The following CAND2 variants were observed in gnomAD, a reference collection of about 807,000 sequenced individuals.
The protein encoded by CAND2 is cullin-associated NEDD8-dissociated protein 2.
CAND2 carries 62 observed loss-of-function variants against 98.9 expected under a neutral mutation model. That is an observed-to-expected ratio of 0.63 (90% CI 0.51 to 0.77). CAND2 has a LOEUF of 0.77. Among genes scored for constraint, CAND2 ranks in the 30% least tolerant of loss-of-function variants. The pLI, the probability that CAND2 is intolerant of heterozygous loss-of-function variation, is 0.00. For synonymous variants in CAND2, 770 were observed against 731.9 expected (o/e 1.05, Z -0.84); for missense variants, 1,501 against 1,655.2 (o/e 0.91, Z 1.62).
chr3:12,799,268 G>A (rs9810202), intron 1 of CAND2, among the ~76,000 whole-genome samples: 5,021 of 152,186 alleles, frequency 0.033, 295 homozygotes, highest in African/African-American at 0.11. Context: ...ATGAGGTAGG[G>A]CAAAGAAAAG....
At chr3:12,817,917 T>G (rs1458582143) in intron 10 of CAND2, 41 bp downstream of exon 10, 1 of 1,469,622 alleles carries the variant, frequency 6.8e-7, no homozygotes, top group Admixed American at 2.5e-5. Flanking sequence ...ACCTCGGAGG[T>G]GGGCAGTTTG....
chr3:12,798,941 G>A lies in CAND2; in HGVS notation c.68+2153G>A, dbSNP rs145284972. Among the ~76,000 whole-genome samples, 1,003 of 100,974 alleles carry A rather than the reference G, an allele frequency of 9.9e-3. 14 individuals are homozygous for A. Among genetic ancestry groups the A allele is most frequent in the African/African-American group, 0.055 (862 of 15,722 alleles). The allele number at this position is 100,974 out of a possible 152,430, so 66.2% of individuals were successfully genotyped here. A position where few individuals can be genotyped will look rare whatever the true frequency, so the allele number is the denominator to read the frequency against. On this transcript the variant is annotated intron_variant, in intron 1 of 14. Transcript: ENST00000456430. ...AGCGGGGCAGCGACTGCAAATGGGG[G>A]TCCCAGGTGGGGTGGAGGGAGACCT...
rs539921240 is a variant in CAND2 at position 12,817,156 on chromosome 3, C to T, written c.2224C>T (p.Arg742Trp). 3.9e-5 allele frequency: 63 copies of T among 1,612,714 alleles called. No individual in the cohort carries two copies. In the East Asian group the frequency reaches 7.6e-4, roughly 19 times the overall value. The change falls in exon 10 of 15, where the codon CGG becomes TGG. Residue 742 changes from arginine (R) to tryptophan (W), a missense_variant. Around this residue, in one of 3 missense-constraint regions of CAND2, gnomAD observed 1,427 missense variants for 1,545.3 expected, o/e 0.92. Transcript: ENST00000456430. ...TGGCCCTGTGCTCTCAGAGCTGCTG[C>T]GGCTGCTGCGTTCGCCCCTGTTGCC... ...VSGPVLSELLRLLRSPLLPAG... is the reference protein window; with the variant it reads ...VSGPVLSELLWLLRSPLLPAG...
chr3:12,813,324 C>T lies in CAND2; in HGVS notation c.942C>T (p.Tyr314=). Residue 314 remains tyrosine (Y), a synonymous_variant, in exon 7 of 15, where the codon TAC becomes TAT. Transcript: ENST00000456430. ...AATACATAAAACACGACCCCAACTA[C>T]AACTACGACAGTGATGAGGATGAGG... ...CLQYIKHDPN[Y]NYDSDEDEEQ... The T allele has an allele frequency of 6.2e-7, 1 of 1,614,182 alleles. No homozygotes were observed. Among genetic ancestry groups the T allele is most frequent in the Non-Finnish European group, 8.5e-7 (1 of 1,180,036 alleles).
At position 12,817,197 on chromosome 3, in the gene CAND2, A is replaced by C; in HGVS notation, c.2265A>C (p.Ala755=). The part of the protein sequence containing the change: ...RSPLLPAGVL[A]AAEGFLQALV... Reference sequence around the variant, plus strand: ...CCCTGTTGCCAGCCGGGGTTCTGGCAGCTGCTGAAGGCTTCCTGCAGGCCC... The same window carrying C: ...CCCTGTTGCCAGCCGGGGTTCTGGCCGCTGCTGAAGGCTTCCTGCAGGCCC... Residue 755 remains alanine, a synonymous_variant, in exon 10 of 15, where the codon GCA becomes GCC. Transcript: ENST00000456430. 1.9e-6 allele frequency: 3 copies of C among 1,613,470 alleles called. No individual in the cohort carries two copies. The highest frequency in any genetic ancestry group is 2.5e-6 in the Non-Finnish European group (3 of 1,180,010).
At position 12,825,459 on chromosome 3, in the gene CAND2, T is replaced by C. The variant is rs187011234; in HGVS notation, c.3041-11T>C. The C allele has an allele frequency of 2.2e-3, 3,368 of 1,549,528 alleles. 12 individuals carry two copies. The highest frequency in any genetic ancestry group is 6.5e-3 in the South Asian group (550 of 84,044). ...TGTGCATCCCCCACGCCCCTCATGT[T>C]CTTCTGCCAGGAGAGTTCATGGAGA... On this transcript the variant is annotated splice_polypyrimidine_tract_variant and intron_variant, in intron 11 of 14. Coordinates refer to ENST00000456430, the MANE Select transcript of CAND2 (RefSeq NM_001162499.2).
chr3:12,810,391 G>T, intron 5 of CAND2, 67 bp downstream of exon 5: 1 of 1,347,060 alleles, frequency 7.4e-7, no homozygotes, highest in Non-Finnish European at 9.6e-7. Context: ...CCAATGACTC[G>T]GTAAAGGGGC....
chr3:12,829,871 GT>G (rs2062039022), intron 13 of CAND2, among the ~76,000 whole-genome samples: 1 of 152,156 alleles, frequency 6.6e-6, no homozygotes, highest in African/African-American at 2.4e-5. Flanking sequence ...TATCAGTCCT[GT>G]CAACAGCTGC....
At chr3:12,818,519 G>A (rs550134479) in intron 10 of CAND2, among the ~76,000 whole-genome samples, 4 of 152,212 alleles carry the variant, frequency 2.6e-5, no homozygotes, top group Admixed American at 6.5e-5. Flanking sequence ...TTGGCTTGTC[G>A]TGTTTTGGCA....
At position 12,831,573 on chromosome 3, in the gene CAND2, GT is replaced by G. The variant is rs751891622; in HGVS notation, c.3483+2del. On this transcript the variant is annotated splice_donor_variant, in intron 14 of 14. Coordinates refer to ENST00000456430, the MANE Select transcript of CAND2 (RefSeq NM_001162499.2). LOFTEE classifies it high-confidence loss of function. ...ACTAAGGGCCACCTGCACTGCCAAG[GT>G]AAGTCCCTGGCCCAGCCCTAGCCCA... 18 of 1,607,258 alleles carry G rather than the reference GT, an allele frequency of 1.1e-5. No homozygotes were observed. Among genetic ancestry groups the G allele is most frequent in the South Asian group, 1.1e-4 (10 of 90,282 alleles).
At position 12,816,840 on chromosome 3, in the gene CAND2, G is replaced by T. The variant is rs567061787; in HGVS notation, c.1908G>T (p.Leu636=). The change falls in exon 10 of 15, where the codon CTG becomes CTT. Residue 636 remains leucine (L), a synonymous_variant. Coordinates refer to ENST00000456430, the MANE Select transcript of CAND2 (RefSeq NM_001162499.2). ...TRLPAIKALT[L]VAVSPLQLDL... is the part of the protein sequence containing the mutation. ...TGCCCGCCATCAAGGCGCTTACGCTGGTGGCCGTATCCCCACTACAGCTTG... is the reference window on the plus strand; with the variant it reads ...TGCCCGCCATCAAGGCGCTTACGCTTGTGGCCGTATCCCCACTACAGCTTG... 2 of 1,613,798 alleles carry T rather than the reference G, an allele frequency of 1.2e-6. No individual in the cohort carries two copies. Among genetic ancestry groups the T allele is most frequent in the Admixed American group, 3.3e-5 (2 of 60,032 alleles).
chr3:12,801,735 G>A (rs2061768396), intron 1 of CAND2, among the ~76,000 whole-genome samples: 3 of 152,232 alleles, frequency 2.0e-5, no homozygotes, highest in African/African-American at 4.8e-5. Context: ...ATGGCGTGGG[G>A]CAGTGGTTTT....
chr3:12,825,129 T>TTC (rs1420720415), intron 11 of CAND2, among the ~76,000 whole-genome samples: 2 of 151,916 alleles, frequency 1.3e-5, no homozygotes, highest in Non-Finnish European at 2.9e-5. Context: ...TTTTTTTTTT[T>TTC]CAAGATAATG....
intron 11 of CAND2, among the ~76,000 whole-genome samples, chr3:12,823,747 A>C (rs1190833481): frequency 6.7e-6 from 1 of 150,364 alleles, no homozygotes; most frequent in Non-Finnish European, 1.5e-5. Flanking sequence ...AAAACAACAA[A>C]AAAACGGGGT....
chr3:12,802,136 G>A (rs1249180222), intron 1 of CAND2, among the ~76,000 whole-genome samples: 1 of 152,184 alleles, frequency 6.6e-6, no homozygotes, highest in South Asian at 2.1e-4. Context: ...GACCATCCTG[G>A]CTAACACAGT....
chr3:12,819,370 G>A (rs75964456), intron 10 of CAND2, among the ~76,000 whole-genome samples: 12,280 of 152,308 alleles, frequency 0.081, 596 homozygotes, highest in Non-Finnish European at 0.11. Flanking sequence ...TGCTGGGGTT[G>A]GGCAGGGAGC....
At position 12,834,004 on chromosome 3, in the gene CAND2, C is replaced by T. The variant is rs751112714; in HGVS notation, c.*22C>T. On this transcript the variant is annotated 3_prime_UTR_variant, in exon 15 of 15. Coordinates refer to ENST00000456430, the MANE Select transcript of CAND2 (RefSeq NM_001162499.2). ...CTAGTCCCCTCAGCACCAAGGTGGG[C>T]CCTCGCTTAAGAGAAAGGAGCCCAC... 3 of 1,601,226 alleles carry T rather than the reference C, an allele frequency of 1.9e-6. No individual in the cohort carries two copies. The highest frequency in any genetic ancestry group is 3.3e-5 in the Admixed American group (2 of 59,958).
chr3:12,808,059 A>G (rs955472082), intron 3 of CAND2, 151 bp from the exon 4 acceptor site: 2 of 1,026,456 alleles, frequency 1.9e-6, no homozygotes. Context: ...CTTTGGCCAG[A>G]CTCTGGGTCA....
At chr3:12,807,179 C>G (rs534237192) in intron 2 of CAND2, 127 bp from the exon 3 acceptor site, 546 of 798,096 alleles carry the variant, frequency 6.8e-4, no homozygotes, top group Non-Finnish European at 9.7e-4. Context: ...CAAACAGGGG[C>G]TCCCCTGATG....
Sources: allele counts gnomAD v4.1 joint callset (sites outside exome capture counted in the v4.1 genomes callset), GRCh38; gene constraint gnomAD v4.1.1; regional missense constraint gnomAD v4.1.1; transcripts MANE v1.5; gene names NCBI Gene and HGNC (gene_info 2026-07-23, HGNC 2026-07-21).